SLC20A2: variants seen among roughly 807,000 people sequenced by gnomAD.
SLC20A2 encodes the protein sodium-dependent phosphate transporter 2.
Under a neutral mutation model 61.0 loss-of-function variants are expected in SLC20A2, and 30 were observed. The ratio of observed to expected loss-of-function variants is 0.49; its 90% CI spans 0.37 to 0.67. The LOEUF (loss-of-function observed/expected upper bound fraction) is 0.67. SLC20A2 is among the 30% of genes least tolerant of loss of function. The pLI, the probability that SLC20A2 is intolerant of heterozygous loss-of-function variation, is 0.00. For synonymous variants in SLC20A2, 351 were observed against 353.3 expected (o/e 0.99, Z 0.07); for missense variants, 626 against 866.4 (o/e 0.72, Z 3.48).
At chr8:42,477,172 A>ATGGC (rs1808181982) in intron 1 of SLC20A2, among the ~76,000 whole-genome samples, 2 of 152,240 alleles carry the variant, frequency 1.3e-5, no homozygotes, top group African/African-American at 4.8e-5. Context: ...TGGGATAGTG[A>ATGGC]TGGCGCATGC....
intron 1 of SLC20A2, among the ~76,000 whole-genome samples, chr8:42,515,977 A>G (rs1374412977): frequency 6.6e-6 from 1 of 152,190 alleles, no homozygotes; most frequent in Non-Finnish European, 1.5e-5. Flanking sequence ...TGCCACACAG[A>G]GCTGCTATGC....
At chr8:42,527,564 G>C (rs1298705093) in intron 1 of SLC20A2, among the ~76,000 whole-genome samples, 3 of 151,922 alleles carry the variant, frequency 2.0e-5, no homozygotes, top group Non-Finnish European at 4.4e-5. Flanking sequence ...GATCACCTGA[G>C]GTTGGGAGTT....
chr8:42,538,658 G>C (rs1417012501), intron 1 of SLC20A2, among the ~76,000 whole-genome samples: 1 of 152,180 alleles, frequency 6.6e-6, no homozygotes, highest in African/African-American at 2.4e-5. Flanking sequence ...AACAGAAGAA[G>C]TCCCTGCATT....
At chr8:42,438,061 ACC>A (rs371480254) in intron 7 of SLC20A2, among the ~76,000 whole-genome samples, 8,569 of 107,460 alleles carry the variant, frequency 0.08, 1,052 homozygotes, top group African/African-American at 0.24. Context: ...AAAAAAAAAA[ACC>A]AAAAAAAAAA....
chr8:42,449,119 G>T (rs1158301292), intron 5 of SLC20A2, among the ~76,000 whole-genome samples: 2 of 152,086 alleles, frequency 1.3e-5, no homozygotes, highest in Non-Finnish European at 2.9e-5. Context: ...TTGTCTTTCT[G>T]GTACGGATCT....
chr8:42,501,561 C>T (rs1050749618), upstream of SLC20A2: 1 of 152,214 alleles, frequency 6.6e-6, no homozygotes, highest in African/African-American at 2.4e-5. Context: ...ATTTAAACAG[C>T]GTGATTAGAT....
chr8:42,500,732 T>C (rs1018860304), intron 1 of SLC20A2, among the ~76,000 whole-genome samples: 4 of 152,186 alleles, frequency 2.6e-5, no homozygotes, highest in Non-Finnish European at 4.4e-5. Context: ...TGTTTCTGTA[T>C]TTACAGAAAC....
chr8:42,524,786 C>CAAAT (rs138387549), intron 1 of SLC20A2, among the ~76,000 whole-genome samples: 71,380 of 147,506 alleles, frequency 0.48, 17,382 homozygotes, highest in South Asian at 0.51. Flanking sequence ...AACTCCATCT[C>CAAAT]AAATAAATAA....
intron 9 of SLC20A2, among the ~76,000 whole-genome samples, chr8:42,429,578 A>G (rs1451507268): frequency 1.3e-5 from 2 of 152,210 alleles, no homozygotes; most frequent in Non-Finnish European, 2.9e-5. Flanking sequence ...TGCGGTTGAG[A>G]GACCACATTT....
chr8:42,516,309 A>C (rs1811319992), intron 1 of SLC20A2, among the ~76,000 whole-genome samples: 1 of 152,200 alleles, frequency 6.6e-6, no homozygotes, highest in Non-Finnish European at 1.5e-5. Context: ...CCATAAAAGT[A>C]CTTTTAAAGG....
At chr8:42,517,563 G>A (rs1255661315) in intron 1 of SLC20A2, among the ~76,000 whole-genome samples, 2 of 152,048 alleles carry the variant, frequency 1.3e-5, no homozygotes, top group African/African-American at 4.8e-5. Flanking sequence ...ATGTACAAGT[G>A]TACACAATTT....
At chr8:42,517,404 G>C (rs548936368) in intron 1 of SLC20A2, among the ~76,000 whole-genome samples, 1 of 150,892 alleles carries the variant, frequency 6.6e-6, no homozygotes, top group Non-Finnish European at 1.5e-5. Flanking sequence ...AAATAAATAA[G>C]TAATAAATAA....
rs550501521 is a variant in SLC20A2, at chr8:42,439,283, G to A, written c.934+167C>T. 2.5e-4 allele frequency among the ~76,000 whole-genome samples: 38 copies of A among 152,326 alleles called. 1 individual carries two copies. The highest frequency in any genetic ancestry group is 8.9e-4 in the African/African-American group (37 of 41,576). On this transcript the variant is annotated intron_variant, in intron 7 of 10. Coordinates refer to ENST00000520262, the MANE Select transcript of SLC20A2 (RefSeq NM_001257180.2). ...AGAGTGAGCCTGCTCTGCTGACTACGAAATGGTTTCCTGAGGCCTCCCTAG... is the reference window on the plus strand; with the variant it reads ...AGAGTGAGCCTGCTCTGCTGACTACAAAATGGTTTCCTGAGGCCTCCCTAG...
chr8:42,443,094 C>T (rs1033981758), intron 6 of SLC20A2, among the ~76,000 whole-genome samples: 10 of 149,894 alleles, frequency 6.7e-5, no homozygotes, highest in Admixed American at 4.0e-4. Flanking sequence ...TTTATTGCTT[C>T]GTTTTATTAT....
In SLC20A2 at chr8:42,437,855, C is replaced by T. The variant is rs1222471676; in HGVS notation, c.935-278G>A. Among the ~76,000 whole-genome samples, 1 of 151,586 alleles carries T rather than the reference C, an allele frequency of 6.6e-6. No individual in the cohort carries two copies. The highest frequency in any genetic ancestry group is 1.5e-5 in the Non-Finnish European group (1 of 67,856). On this transcript the variant is annotated intron_variant, in intron 7 of 10. Transcript: ENST00000520262. The surrounding 1 kb of genome is among the most constrained non-coding windows in gnomAD (Gnocchi z 6.4). ...GGTCTCAAGCTCCTAACCTCATGAT[C>T]CGCCCACCTTGGCCTCCTAAAGTGC... is the stretch of plus-strand genomic sequence containing the variant.
At chr8:42,524,299 T>C (rs1427164195) in intron 1 of SLC20A2, among the ~76,000 whole-genome samples, 3 of 152,208 alleles carry the variant, frequency 2.0e-5, no homozygotes, top group Non-Finnish European at 4.4e-5. Context: ...CTGAAATATT[T>C]ATAGTGATTT....
chr8:42,497,332 AC>A (rs1161761530), intron 1 of SLC20A2, among the ~76,000 whole-genome samples: 2 of 152,166 alleles, frequency 1.3e-5, no homozygotes, highest in Non-Finnish European at 2.9e-5. Context: ...CATCCAGCAG[AC>A]CTCAAATGTC....
At chr8:42,532,920 G>A (rs781151852) in intron 1 of SLC20A2, among the ~76,000 whole-genome samples, 123 of 152,064 alleles carry the variant, frequency 8.1e-4, no homozygotes, top group Non-Finnish European at 1.2e-3. Context: ...CACAGAGGAC[G>A]GAAAGACTAG....
Position 42,460,017 on chromosome 8 carries a change from T to C in SLC20A2, c.517-25A>G, listed in dbSNP as rs11993133. 9.5e-3 allele frequency: 12,916 copies of C among 1,353,578 alleles called. 850 individuals carry two copies. The African/African-American group carries it at 0.16, about 16-fold the overall frequency. The allele number at this position is 1,353,578 out of a possible 1,614,324, so 83.8% of individuals were successfully genotyped here. ...CCTGTAGGAAGACAAGGAGACAGAG[T>C]GGAAGGTCAGGATCCCAGCAGCATT... is the stretch of plus-strand genomic sequence containing the variant. On this transcript the variant is annotated intron_variant, in intron 4 of 10. Transcript: ENST00000520262.
Sources: allele counts gnomAD v4.1 joint callset (sites outside exome capture counted in the v4.1 genomes callset), GRCh38; gene constraint gnomAD v4.1.1; non-coding constraint Gnocchi (gnomAD v3.1); transcripts MANE v1.5; gene names NCBI Gene and HGNC (gene_info 2026-07-23, HGNC 2026-07-21).